The following ZCCHC17 variants were observed in gnomAD, a reference collection of about 807,000 sequenced individuals.
ZCCHC17 encodes zinc finger CCHC domain-containing protein 17.
In ZCCHC17, 18 loss-of-function variants were observed where a neutral mutation model predicts 30.6. That is an observed-to-expected ratio of 0.59 (90% CI 0.41 to 0.87). The LOEUF (loss-of-function observed/expected upper bound fraction) is 0.87, where lower values mean the gene tolerates loss of function less well. Among genes scored for constraint, ZCCHC17 ranks in the 40% least tolerant of loss-of-function variants. ZCCHC17 has a pLI of 0.00. For synonymous variants in ZCCHC17, 88 were observed against 92.4 expected (o/e 0.95, Z 0.27); for missense variants, 263 against 284.2 (o/e 0.93, Z 0.54).
At chr1:31,321,927 A>G (rs1323219943) in intron 3 of ZCCHC17, among the ~76,000 whole-genome samples, 1 of 152,234 alleles carries the variant, frequency 6.6e-6, no homozygotes, top group Non-Finnish European at 1.5e-5. Context: ...AAATTATTTA[A>G]TGGTTCACAA....
At chr1:31,326,522 T>C (rs535367130) in intron 3 of ZCCHC17, among the ~76,000 whole-genome samples, 1 of 152,318 alleles carries the variant, frequency 6.6e-6, no homozygotes, top group African/African-American at 2.4e-5. Flanking sequence ...GAGCACAGGT[T>C]TTCTTGTTAG....
intron 3 of ZCCHC17, among the ~76,000 whole-genome samples, chr1:31,327,813 A>G (rs1553122490): frequency 2.0e-5 from 3 of 152,190 alleles, no homozygotes; most frequent in Non-Finnish European, 4.4e-5. Context: ...CAACTTAATA[A>G]GGGAAAAACA....
rs575715519 is a variant in ZCCHC17, at chr1:31,314,343, A to G, written c.66+4179A>G. ...GTGACTTGGAGTTAGGGAAAGAGAA[A>G]TACGATAAATTGGAAAGAAGAAACT... On this transcript the variant is annotated intron_variant, in intron 2 of 7. Coordinates refer to ENST00000344147, the MANE Select transcript of ZCCHC17 (RefSeq NM_016505.4). 4.6e-5 allele frequency among the ~76,000 whole-genome samples: 7 copies of G among 152,194 alleles called. No homozygotes were observed. In the South Asian group the frequency reaches 1.2e-3, roughly 27 times the overall value.
intron 7 of ZCCHC17, among the ~76,000 whole-genome samples, chr1:31,350,078 A>C (rs1639417097): frequency 6.6e-6 from 1 of 152,242 alleles, no homozygotes; most frequent in Non-Finnish European, 1.5e-5. Flanking sequence ...TTCATAAAAC[A>C]GATATTATTG....
At chr1:31,324,196 G>T (rs1638246831) in intron 3 of ZCCHC17, among the ~76,000 whole-genome samples, 3 of 152,244 alleles carry the variant, frequency 2.0e-5, no homozygotes, top group African/African-American at 7.2e-5. Flanking sequence ...ACATGAGCCA[G>T]GAGTGGTGGC....
At chr1:31,302,361 A>G (rs945947319) in intron 1 of ZCCHC17, among the ~76,000 whole-genome samples, 1 of 151,788 alleles carries the variant, frequency 6.6e-6, no homozygotes, top group Non-Finnish European at 1.5e-5. Context: ...CTTGGCATAT[A>G]GTGAGGCTCA....
intron 1 of ZCCHC17, among the ~76,000 whole-genome samples, chr1:31,302,400 T>C (rs1247330632): frequency 1.3e-5 from 2 of 152,098 alleles, no homozygotes; most frequent in Non-Finnish European, 1.5e-5. Flanking sequence ...AACTGAGTAC[T>C]TGTAGTATAC....
At chr1:31,297,327 T>A in intron 1 of ZCCHC17, 1 of 395,950 alleles carries the variant, frequency 2.5e-6, no homozygotes, top group Non-Finnish European at 4.4e-6. Flanking sequence ...TGGCCAGTCC[T>A]GTGCCGGGCA....
intron 2 of ZCCHC17, chr1:31,318,165 A>G (rs1569794260): frequency 2.0e-6 from 3 of 1,533,638 alleles, no homozygotes; most frequent in East Asian, 2.4e-5. Flanking sequence ...CCCTTGTTTT[A>G]GTTATGGTGA....
chr1:31,322,960 C>T (rs1012764689), intron 3 of ZCCHC17, among the ~76,000 whole-genome samples: 2 of 152,140 alleles, frequency 1.3e-5, no homozygotes, highest in Admixed American at 6.5e-5. Flanking sequence ...TTCCTTGTGA[C>T]CTGCCCGTCT....
chr1:31,316,076 C>G (rs1043138870), intron 2 of ZCCHC17, among the ~76,000 whole-genome samples: 6 of 152,158 alleles, frequency 3.9e-5, no homozygotes, highest in African/African-American at 1.4e-4. Flanking sequence ...TTGGCTCTAA[C>G]TTCCAGATTT....
intron 7 of ZCCHC17, among the ~76,000 whole-genome samples, chr1:31,356,089 G>C (rs756924737): frequency 3.3e-5 from 5 of 152,184 alleles, no homozygotes; most frequent in African/African-American, 1.2e-4. Flanking sequence ...ATATATGATA[G>C]TAACTCATGT....
At chr1:31,351,488 C>T (rs1043626720) in intron 7 of ZCCHC17, among the ~76,000 whole-genome samples, 10 of 151,482 alleles carry the variant, frequency 6.6e-5, no homozygotes, top group Non-Finnish European at 1.3e-4. Context: ...CATGGTGGCT[C>T]ATGCCTGTAA....
intron 5 of ZCCHC17, among the ~76,000 whole-genome samples, chr1:31,343,703 T>C (rs1174493652): frequency 6.6e-6 from 1 of 150,904 alleles, no homozygotes; most frequent in Non-Finnish European, 1.5e-5. Flanking sequence ...TTTTTTTTTT[T>C]TTTGAGACAG....
At chr1:31,323,716 A>T (rs1343224275) in intron 3 of ZCCHC17, among the ~76,000 whole-genome samples, 8 of 152,296 alleles carry the variant, frequency 5.3e-5, no homozygotes, top group East Asian at 3.9e-4. Flanking sequence ...AAATATTTTT[A>T]AAAAATGATT....
intron 3 of ZCCHC17, among the ~76,000 whole-genome samples, chr1:31,327,841 G>A (rs367570842): frequency 1.1e-4 from 16 of 152,198 alleles, no homozygotes; most frequent in African/African-American, 3.9e-4. Flanking sequence ...CTAGAGGGGG[G>A]ACTGAGGAAG....
Position 31,339,050 on chromosome 1 carries a change from T to A in ZCCHC17, c.317+2T>A. 1.2e-6 allele frequency: 2 copies of A among 1,601,790 alleles called. No individual in the cohort carries two copies. Among genetic ancestry groups the A allele is most frequent in the Non-Finnish European group, 1.7e-6 (2 of 1,175,742 alleles). ...TGATCCCAACAATGTTATCATTGAG[T>A]AAGTAAAAGGTTTGGAAAGGTGAAA... On this transcript the variant is annotated splice_donor_variant, in intron 5 of 7. Transcript: ENST00000344147. LOFTEE classifies it high-confidence loss of function.
At chr1:31,330,505 T>G (rs750579404) in intron 3 of ZCCHC17, among the ~76,000 whole-genome samples, 3 of 152,338 alleles carry the variant, frequency 2.0e-5, no homozygotes, top group Middle Eastern at 6.8e-3. Flanking sequence ...TTTGTTTGTT[T>G]GTTTCTGTTT....
intron 1 of ZCCHC17, among the ~76,000 whole-genome samples, chr1:31,307,072 G>A (rs1250987794): frequency 6.6e-6 from 1 of 152,138 alleles, no homozygotes; most frequent in East Asian, 1.9e-4. Context: ...TCTTGACCTT[G>A]TGATCCACCC....
Sources: allele counts gnomAD v4.1 joint callset (sites outside exome capture counted in the v4.1 genomes callset), GRCh38; gene constraint gnomAD v4.1.1; transcripts MANE v1.5; gene names NCBI Gene and HGNC (gene_info 2026-07-23, HGNC 2026-07-21).